AP2B1: variants seen among roughly 807,000 people sequenced by gnomAD.
AP2B1 encodes the protein adaptor related protein complex 2 subunit beta 1.
AP2B1 carries 23 observed loss-of-function variants against 102.0 expected under a neutral mutation model. That is an observed-to-expected ratio of 0.23 (90% CI 0.16 to 0.32). AP2B1 has a LOEUF of 0.32. Ranked by LOEUF, AP2B1 falls within the 10% of genes least tolerant of loss-of-function variation. The pLI is 1.00. For synonymous variants in AP2B1, 381 were observed against 421.2 expected, an observed-to-expected ratio of 0.90 and a Z score of 1.17; for missense variants, 541 against 1,157.4, an observed-to-expected ratio of 0.47 and a Z score of 7.73.
At position 35,626,805 on chromosome 17, in the gene AP2B1, G is replaced by A. The variant is rs2074327579; in HGVS notation, c.901G>A (p.Val301Ile). The change falls in exon 7 of 22, where the codon GTC becomes ATC. Residue 301 changes from valine (V) to isoleucine (I), a missense_variant. Around this residue, in one of 10 missense-constraint regions of AP2B1, gnomAD observed 134 missense variants for 250.2 expected, o/e 0.54. Transcript: ENST00000610402. ...LLSGEPEVQY[V>I]ALRNINLIVQ... ...GTCTGGGGAGCCAGAAGTGCAGTAT[G>A]TCGCCCTGAGGAACATCAACTTAAT... The A allele has an allele frequency of 6.2e-7, 1 of 1,614,044 alleles. No individual in the cohort carries two copies. Among genetic ancestry groups the A allele is most frequent in the Non-Finnish European group, 8.5e-7 (1 of 1,179,990 alleles).
At position 35,624,575 on chromosome 17, in the gene AP2B1, G is replaced by T; in HGVS notation, c.704G>T (p.Arg235Leu). 6.2e-7 allele frequency: 1 copy of T among 1,612,426 alleles called. No individual in the cohort carries two copies. Among genetic ancestry groups the T allele is most frequent in the Non-Finnish European group, 8.5e-7 (1 of 1,178,972 alleles). ...CLSNYNPKDD[R>L]EAQSICERVT... ...TCTAATTACAACCCTAAAGATGATC[G>T]GGAGGCTCAGAGGTCAGTCTGTTTT... The change falls in exon 6 of 22, where the codon CGG becomes CTG. Residue 235 changes from arginine (R) to leucine (L), a missense_variant. Arg to Leu is a moderately radical substitution (Grantham distance 102). Around this residue, in one of 10 missense-constraint regions of AP2B1, gnomAD observed 134 missense variants for 250.2 expected, o/e 0.54. Coordinates refer to ENST00000610402, the MANE Select transcript of AP2B1 (RefSeq NM_001030006.2).
intron 18 of AP2B1, among the ~76,000 whole-genome samples, chr17:35,694,814 C>T (rs1304825330): frequency 3.9e-5 from 6 of 152,126 alleles, no homozygotes; most frequent in African/African-American, 1.2e-4. Context: ...ACCCAGGAGG[C>T]GGAGGTTGCA....
rs533427186 is a variant in AP2B1, at chr17:35,590,980, G to A, written c.-23-3028G>A. 3.9e-5 allele frequency among the ~76,000 whole-genome samples: 6 copies of A among 152,086 alleles called. No homozygotes were observed. In the South Asian group the frequency reaches 1.2e-3, roughly 32 times the overall value. ...ACTTGATGTCAGGAGTTCCAGACCA[G>A]CCTGGCTAACAAGGAAAAACCCTGT... On this transcript the variant is annotated intron_variant, in intron 1 of 21. Transcript: ENST00000610402.
At chr17:35,620,192 T>TA (rs1032211443) in intron 5 of AP2B1, among the ~76,000 whole-genome samples, 2 of 152,032 alleles carry the variant, frequency 1.3e-5, no homozygotes, top group African/African-American at 2.4e-5. Flanking sequence ...ACCCTATTTG[T>TA]AGGCCAGGTA....
chr17:35,602,670 A>C (rs913984473), intron 3 of AP2B1, among the ~76,000 whole-genome samples: 4 of 152,224 alleles, frequency 2.6e-5, no homozygotes, highest in African/African-American at 9.6e-5. Flanking sequence ...CTAAGTCTTC[A>C]AAATCCAGTG....
intron 17 of AP2B1, among the ~76,000 whole-genome samples, chr17:35,676,022 TC>T (rs1255099599): frequency 6.6e-6 from 1 of 152,162 alleles, no homozygotes; most frequent in Non-Finnish European, 1.5e-5. Context: ...TCTGTTTTGT[TC>T]CTTAAAATTT....
At chr17:35,695,309 A>G (rs1393482094) in intron 18 of AP2B1, among the ~76,000 whole-genome samples, 1 of 152,108 alleles carries the variant, frequency 6.6e-6, no homozygotes, top group Non-Finnish European at 1.5e-5. Context: ...TAAGTTCTGG[A>G]TTTATTTTAT....
Position 35,709,280 on chromosome 17 carries a change from T to G in AP2B1, c.2511T>G (p.Asn837Lys). ...VFYFSCLIPL[N>K]VLFVEDGKME... Reference sequence around the variant, plus strand: ...ACTTCAGCTGCCTCATCCCACTCAATGTGCTTTTTGTAGAAGATGGCAAAA... The same window carrying G: ...ACTTCAGCTGCCTCATCCCACTCAAGGTGCTTTTTGTAGAAGATGGCAAAA... The change falls in exon 19 of 22, where the codon AAT (asparagine) becomes AAG (lysine). Residue 837 changes from asparagine (N) to lysine (K), a missense_variant. By Grantham distance (94) the Asn-to-Lys change is moderately conservative. Around this residue, in one of 10 missense-constraint regions of AP2B1, gnomAD observed 117 missense variants for 206.7 expected, o/e 0.57. Transcript: ENST00000610402. 1 of 1,614,156 alleles carries G rather than the reference T, an allele frequency of 6.2e-7. No individual in the cohort carries two copies. Among genetic ancestry groups the G allele is most frequent in the Non-Finnish European group, 8.5e-7 (1 of 1,180,022 alleles).
At chr17:35,617,583 CT>C (rs2074060207) in intron 5 of AP2B1, among the ~76,000 whole-genome samples, 1 of 152,192 alleles carries the variant, frequency 6.6e-6, no homozygotes, top group African/African-American at 2.4e-5. Context: ...CTACTTACTA[CT>C]TTTACAAGGT....
intron 21 of AP2B1, 130 bp from the exon 22 acceptor site, chr17:35,723,495 G>T: frequency 1.6e-6 from 1 of 635,218 alleles, no homozygotes; most frequent in South Asian, 1.9e-5. Flanking sequence ...TAATCTCTTT[G>T]TTTAGCTACT....
At chr17:35,683,503 A>T (rs1245115104) in intron 18 of AP2B1, among the ~76,000 whole-genome samples, 1 of 152,232 alleles carries the variant, frequency 6.6e-6, no homozygotes, top group Non-Finnish European at 1.5e-5. Context: ...TAAATGCCCC[A>T]TTAGCACCTA....
chr17:35,713,464 C>T (rs967938753), intron 20 of AP2B1, among the ~76,000 whole-genome samples: 2 of 152,150 alleles, frequency 1.3e-5, no homozygotes, highest in Admixed American at 1.3e-4. Context: ...TTTAGATTTC[C>T]TTCCAGTCTC....
At chr17:35,620,850 C>G (rs1418352282) in intron 5 of AP2B1, among the ~76,000 whole-genome samples, 1 of 152,148 alleles carries the variant, frequency 6.6e-6, no homozygotes, top group African/African-American at 2.4e-5. Context: ...CTTGGAAACT[C>G]TAATTTTTCT....
At chr17:35,612,661 T>C (rs1000719851) in intron 5 of AP2B1, among the ~76,000 whole-genome samples, 1 of 152,182 alleles carries the variant, frequency 6.6e-6, no homozygotes, top group Non-Finnish European at 1.5e-5. Flanking sequence ...AAATGTTTAC[T>C]CAGACTGAAG....
Position 35,606,546 on chromosome 17 carries a change from A to G in AP2B1, c.279+706A>G, listed in dbSNP as rs1034966011. ...CAAGCCACCACTCCCGGCGTGATTA[A>G]TTTTTTTTAATGGAAAATTTTAAAC... On this transcript the variant is annotated intron_variant, in intron 4 of 21. Transcript: ENST00000610402. 8.3e-4 allele frequency among the ~76,000 whole-genome samples: 126 copies of G among 151,818 alleles called. 1 individual carries two copies. The highest frequency in any genetic ancestry group is 2.6e-4 in the Non-Finnish European group (18 of 67,940).
intron 14 of AP2B1, among the ~76,000 whole-genome samples, chr17:35,669,907 T>C (rs964615933): frequency 1.3e-5 from 2 of 152,244 alleles, no homozygotes; most frequent in African/African-American, 4.8e-5. Context: ...ACTGTGGAAC[T>C]GTAGCAAAAA....
chr17:35,642,256 G>A (rs184950448), intron 12 of AP2B1, among the ~76,000 whole-genome samples: 7 of 152,208 alleles, frequency 4.6e-5, no homozygotes, highest in African/African-American at 1.2e-4. Context: ...TGAAAATGAC[G>A]TGATCTGATA....
chr17:35,613,396 C>T (rs1598039540), intron 5 of AP2B1, among the ~76,000 whole-genome samples: 1 of 151,880 alleles, frequency 6.6e-6, no homozygotes, highest in Admixed American at 6.6e-5. Flanking sequence ...AAAGCTTTAC[C>T]ATAGTTTTGT....
At chr17:35,652,350 T>A (rs984380027) in intron 13 of AP2B1, among the ~76,000 whole-genome samples, 2 of 152,210 alleles carry the variant, frequency 1.3e-5, no homozygotes, top group African/African-American at 2.4e-5. Context: ...AATGTGAGGT[T>A]AATAAGTGAT....
Sources: gnomAD v4.1 joint callset for allele counts (sites outside exome capture counted in the v4.1 genomes callset) on GRCh38, gnomAD v4.1.1 for gene constraint, gnomAD v4.1.1 regional missense constraint, MANE v1.5 for transcripts, NCBI Gene and HGNC (gene_info 2026-07-23, HGNC 2026-07-21) for gene names.